Variants in BOP1 observed in about 807,000 individuals in gnomAD.
BOP1 encodes the protein ribosome biogenesis protein BOP1.
Under a neutral mutation model 82.9 loss-of-function variants are expected in BOP1, and 54 were observed. That is an observed-to-expected ratio of 0.65 (90% confidence interval 0.52 to 0.82). The LOEUF is 0.82. Ranked by LOEUF, BOP1 falls within the 40% of genes least tolerant of loss-of-function variation. The pLI is 0.00. For missense variants in BOP1, 1,170 were observed against 1,072.0 expected (o/e 1.09, Z -1.28); for synonymous variants, 566 against 451.1 (o/e 1.25, Z -3.23).
chr8:144,275,041 G>A (rs1336408952), intron 3 of BOP1, among the ~76,000 whole-genome samples: 3 of 152,000 alleles, frequency 2.0e-5, no homozygotes, highest in East Asian at 3.9e-4. Context: ...AGCAGAGACC[G>A]GATCGGGCGG....
At chr8:144,268,989 C>T (rs1316589711) in intron 3 of BOP1, among the ~76,000 whole-genome samples, 1 of 152,174 alleles carries the variant, frequency 6.6e-6, no homozygotes, top group Non-Finnish European at 1.5e-5. Flanking sequence ...TGTCCTGCCT[C>T]CACGAGCCTT....
chr8:144,276,411 C>A, intron 2 of BOP1, 107 bp from the exon 3 acceptor site: 1 of 1,274,382 alleles, frequency 7.8e-7, no homozygotes, highest in Non-Finnish European at 1.1e-6. Flanking sequence ...GCAGCTCCAG[C>A]CTGGCACAGG....
In BOP1 at chr8:144,276,454, AG is replaced by A; in HGVS notation, c.310-151del. The A allele has an allele frequency of 3.9e-5, 36 of 927,072 alleles. 1 individual carries two copies. In the South Asian group the frequency reaches 4.8e-4, roughly 12 times the overall value. 57.4% of individuals were successfully genotyped at this position (927,072 alleles called of 1,614,324 possible). A position where few individuals can be genotyped will look rare whatever the true frequency, so the allele number is the denominator to read the frequency against. ...ACAAGGCCGAGAACACCCAGCTCTA[AG>A]GGGGCCTCTGGGGGCTGTGGCTGGC... On this transcript the variant is annotated intron_variant, in intron 2 of 15. Coordinates refer to ENST00000569669, the MANE Select transcript of BOP1 (RefSeq NM_015201.5).
chr8:144,274,024 C>T (rs1845533986), intron 3 of BOP1, among the ~76,000 whole-genome samples: 1 of 152,126 alleles, frequency 6.6e-6, no homozygotes, highest in African/African-American at 2.4e-5. Flanking sequence ...GCCCTGGATC[C>T]AGACCCAGGA....
chr8:144,269,805 G>A (rs946335880), intron 3 of BOP1, among the ~76,000 whole-genome samples: 2 of 152,190 alleles, frequency 1.3e-5, no homozygotes, highest in Non-Finnish European at 2.9e-5. Flanking sequence ...CTTCTTGGGA[G>A]CTTTCCTCAC....
Position 144,262,859 on chromosome 8 carries a change from G to A in BOP1, c.1888C>T (p.Pro630Ser), listed in dbSNP as rs1845256145. ...CACCGCCCCCACCCCTCACCTGCAG[G>A]GTGCACCGCCAGGCTGGACACCCAC... is the stretch of plus-strand genomic sequence containing the variant. ...CKWVSSLAVH[P>S]AGDNVICGSY... Residue 630 changes from proline to serine, a missense_variant, in exon 13 of 16, where the codon CCT becomes TCT. Pro to Ser is a moderately conservative substitution (Grantham distance 74). Transcript: ENST00000569669. 3 of 1,513,204 alleles carry A rather than the reference G, an allele frequency of 2.0e-6. No homozygotes were observed. The highest frequency in any genetic ancestry group is 2.6e-6 in the Non-Finnish European group (3 of 1,142,460). The allele number at this position is 1,513,204 out of a possible 1,614,324, so 93.7% of individuals were successfully genotyped here.
intron 2 of BOP1, among the ~76,000 whole-genome samples, chr8:144,287,518 T>C (rs954458256): frequency 2.0e-5 from 3 of 152,018 alleles, no homozygotes; most frequent in Non-Finnish European, 2.9e-5. Flanking sequence ...TAATTTTTTT[T>C]TGAAACAGGG....
chr8:144,265,062 T>G lies in BOP1; in HGVS notation c.400A>C (p.Asn134His). 1 of 1,609,748 alleles carries G rather than the reference T, an allele frequency of 6.2e-7. No individual in the cohort carries two copies. The highest frequency in any genetic ancestry group is 8.5e-7 in the Non-Finnish European group (1 of 1,178,172). ...EDSSDEEDIR[N>H]TVGNVPLEWY... ...TCCAAGGGCACGTTGCCCACCGTGT[T>G]CCGGATGTCCTGCAGCCGGGGGCCA... The change falls in exon 4 of 16, where the codon AAC becomes CAC. Residue 134 changes from asparagine to histidine, a missense_variant. Physicochemically the swap from Asn to His is moderately conservative, Grantham distance 68 (BLOSUM62 1). Coordinates refer to ENST00000569669, the MANE Select transcript of BOP1 (RefSeq NM_015201.5).
Position 144,263,618 on chromosome 8 carries a change from C to T in BOP1, c.1292-8G>A, listed in dbSNP as rs1337523045. 9.7e-5 allele frequency: 156 copies of T among 1,608,396 alleles called. No individual in the cohort carries two copies. The highest frequency in any genetic ancestry group is 3.6e-4 in the East Asian group (16 of 44,838). The stretch of plus-strand genomic sequence containing the variant: ...GGGAGCCGTCGTCAGAGCCTGGATG[C>T]GGCAGAGACAGCTCTCAACACCTGG... On this transcript the variant is annotated splice_polypyrimidine_tract_variant and splice_region_variant and intron_variant, in intron 10 of 15. Coordinates refer to ENST00000569669, the MANE Select transcript of BOP1 (RefSeq NM_015201.5).
At chr8:144,285,661 G>A (rs1482823759) in intron 2 of BOP1, among the ~76,000 whole-genome samples, 4 of 152,236 alleles carry the variant, frequency 2.6e-5, no homozygotes, top group African/African-American at 4.8e-5. Flanking sequence ...TCACTGTGGT[G>A]TGAATTCCCA....
At chr8:144,266,645 CG>C in intron 3 of BOP1, 1 of 1,246,008 alleles carries the variant, frequency 8.0e-7, no homozygotes, top group Non-Finnish European at 1.0e-6. Flanking sequence ...CCGGCGCCGC[CG>C]GGCCGCTACC....
chr8:144,276,136 G>C (rs1845564906), intron 3 of BOP1, 88 bp downstream of exon 3: 15 of 1,513,452 alleles, frequency 9.9e-6, no homozygotes, highest in Non-Finnish European at 1.3e-5. Context: ...AGCACCCCCA[G>C]GGCAACCCCA....
chr8:144,266,599 G>GC, intron 3 of BOP1: 5 of 1,111,282 alleles, frequency 4.5e-6, no homozygotes, highest in Admixed American at 4.9e-5. Context: ...CTGACGCCGC[G>GC]CCCCCGCCGG....
chr8:144,288,872 A>C (rs903748561), intron 2 of BOP1, among the ~76,000 whole-genome samples: 1 of 152,220 alleles, frequency 6.6e-6, no homozygotes, highest in Non-Finnish European at 1.5e-5. Context: ...CTGACGGGGA[A>C]GGGCCTAGGC....
intron 3 of BOP1, among the ~76,000 whole-genome samples, chr8:144,273,732 G>A (rs976292008): frequency 3.3e-5 from 5 of 152,018 alleles, no homozygotes; most frequent in Non-Finnish European, 7.4e-5. Flanking sequence ...CTCCAGGCGC[G>A]GTGGGAGAGG....
chr8:144,289,134 G>T lies in BOP1; in HGVS notation c.270C>A (p.Gly90=), dbSNP rs1554839798. Reference sequence around the variant, plus strand: ...CAGTGGTCTTTTTAATCCCACTGTGGCCCTCGTCATCAAGGGCTCCGTCCT... The same window carrying T: ...CAGTGGTCTTTTTAATCCCACTGTGTCCCTCGTCATCAAGGGCTCCGTCCT... ...EGEDGALDDE[G]HSGIKKTTEE... Residue 90 remains glycine, a synonymous_variant, in exon 2 of 16, where the codon GGC becomes GGA. Transcript: ENST00000569669. 6.2e-7 allele frequency: 1 copy of T among 1,614,114 alleles called. No individual in the cohort carries two copies. The highest frequency in any genetic ancestry group is 2.2e-5 in the East Asian group (1 of 44,880).
At position 144,264,767 on chromosome 8, in the gene BOP1, C is replaced by T. The variant is rs1342409155; in HGVS notation, c.610G>A (p.Val204Met). Residue 204 changes from valine to methionine, a missense_variant, in exon 5 of 16, where the codon GTG becomes ATG. Val to Met is a conservative substitution (Grantham distance 21, BLOSUM62 1). Transcript: ENST00000569669. ...LRLTDEQVAL[V>M]RRLQSGQFGD... Reference sequence around the variant, plus strand: ...AACTGGCCACTCTGCAGCCGCCGCACCAGGGCCACCTGCTCATCCGTCAGT... The same window carrying T: ...AACTGGCCACTCTGCAGCCGCCGCATCAGGGCCACCTGCTCATCCGTCAGT... 6 of 1,604,360 alleles carry T rather than the reference C, an allele frequency of 3.7e-6. No homozygotes were observed. In the Admixed American group the frequency reaches 6.8e-5, roughly 18 times the overall value.
chr8:144,268,336 C>T, intron 3 of BOP1: 7 of 734,246 alleles, frequency 9.5e-6, no homozygotes, highest in South Asian at 5.6e-5. Context: ...GGACTCTGCG[C>T]TGGCCCCAGC....
chr8:144,289,067 C>G, intron 2 of BOP1, 28 bp downstream of exon 2: 1 of 1,612,602 alleles, frequency 6.2e-7, no homozygotes, highest in Non-Finnish European at 8.5e-7. Context: ...TGGGGGACAG[C>G]CCTCGAGGGG....
Sources: gnomAD v4.1 joint callset for allele counts (sites outside exome capture counted in the v4.1 genomes callset) on GRCh38, gnomAD v4.1.1 for gene constraint, MANE v1.5 for transcripts, NCBI Gene and HGNC (gene_info 2026-07-23, HGNC 2026-07-21) for gene names.